Variants in PSMG2 observed in about 807,000 individuals in gnomAD.
The protein encoded by PSMG2 is proteasome assembly chaperone 2.
In PSMG2, 21 loss-of-function variants were observed where a neutral mutation model predicts 31.5. The ratio of observed to expected loss-of-function variants is 0.67; its 90% CI spans 0.47 to 0.96. PSMG2 has a LOEUF of 0.96. Among genes scored for constraint, PSMG2 ranks in the 40% least tolerant of loss-of-function variants. PSMG2 has a pLI of 0.00. For synonymous variants in PSMG2, 120 were observed against 110.4 expected, an observed-to-expected ratio of 1.09 and a Z score of -0.54; for missense variants, 318 against 321.2, an observed-to-expected ratio of 0.99 and a Z score of 0.08.
Position 12,706,647 on chromosome 18 carries a change from T to A in PSMG2, c.155T>A (p.Leu52His). The A allele has an allele frequency of 6.2e-7, 1 of 1,614,034 alleles. No individual in the cohort carries two copies. The highest frequency in any genetic ancestry group is 8.5e-7 in the Non-Finnish European group (1 of 1,179,906). The change falls in exon 2 of 7, where the codon CTT becomes CAT. Residue 52 changes from leucine (L) to histidine (H), a missense_variant. Transcript: ENST00000317615. ...SKIGYFYTDC[L>H]VPMVGNNPYA... ...ATTGGTTACTTCTATACCGATTGTC[T>A]TGTGCCAATGGTTGGAAACAATCCA...
At chr18:12,666,880 C>G (rs2038815097) in intron 1 of PSMG2, among the ~76,000 whole-genome samples, 1 of 152,058 alleles carries the variant, frequency 6.6e-6, no homozygotes, top group East Asian at 1.9e-4. Flanking sequence ...CATCTTTAAT[C>G]CAAACATCAG....
At chr18:12,695,851 TCC>T (rs1491299166) in intron 1 of PSMG2, among the ~76,000 whole-genome samples, 4 of 110,680 alleles carry the variant, frequency 3.6e-5, no homozygotes, top group Middle Eastern at 0.011. Flanking sequence ...TCATTCCTTC[TCC>T]ACACACACAC....
At position 12,723,103 on chromosome 18, in the gene PSMG2, G is replaced by C. The variant is rs530103111; in HGVS notation, c.582-1396G>C. Among the ~76,000 whole-genome samples the C allele has an allele frequency of 3.3e-5, 5 of 152,316 alleles. No homozygotes were observed. In the South Asian group the frequency reaches 1.0e-3, roughly 32 times the overall value. On this transcript the variant is annotated intron_variant, in intron 5 of 6. Transcript: ENST00000317615. ...AGAGACAGAAACTAAAGTTAGCCTG[G>C]TATCATCTGAGACTTCCGAATGTAT...
intron 5 of PSMG2, among the ~76,000 whole-genome samples, chr18:12,723,476 G>T (rs1024630304): frequency 6.6e-6 from 1 of 151,620 alleles, no homozygotes; most frequent in African/African-American, 2.4e-5. Flanking sequence ...CTTCATTTGC[G>T]ACAGAGTCTT....
At chr18:12,724,729 G>C (rs769967101) in intron 6 of PSMG2, 110 bp downstream of exon 6, 79 of 1,126,132 alleles carry the variant, frequency 7.0e-5, no homozygotes, top group Non-Finnish European at 8.6e-5. Flanking sequence ...ATTAAATATA[G>C]ACATATCTTT....
At chr18:12,700,510 G>C (rs1447499321), upstream of PSMG2, 1 of 154,030 alleles carries the variant, frequency 6.5e-6, no homozygotes, top group Non-Finnish European at 1.4e-5. Context: ...TGTATTAAAA[G>C]ATTTGAGGAC....
chr18:12,700,908 A>G, upstream of PSMG2: 1 of 1,439,006 alleles, frequency 6.9e-7, no homozygotes, highest in East Asian at 2.3e-5. Context: ...AGTGTTACGC[A>G]TTAGTATATA....
intron 1 of PSMG2, chr18:12,686,214 A>G: frequency 1.4e-6 from 2 of 1,432,280 alleles, no homozygotes; most frequent in Non-Finnish European, 1.9e-6. Flanking sequence ...ACAAATTCAG[A>G]GTAACTATGA....
chr18:12,717,672 T>C (rs1161976321), intron 3 of PSMG2, among the ~76,000 whole-genome samples: 1 of 152,260 alleles, frequency 6.6e-6, no homozygotes, highest in Non-Finnish European at 1.5e-5. Context: ...TCTGGATCCA[T>C]TGATGGTTCA....
chr18:12,706,525 C>T, intron 1 of PSMG2, 25 bp from the exon 2 acceptor site: 1 of 1,610,600 alleles, frequency 6.2e-7, no homozygotes, highest in Non-Finnish European at 8.5e-7. Flanking sequence ...TGGTGACTTA[C>T]TGAACATATC....
intron 1 of PSMG2, among the ~76,000 whole-genome samples, chr18:12,690,403 T>C (rs1310628944): frequency 1.3e-5 from 2 of 152,018 alleles, no homozygotes; most frequent in Non-Finnish European, 2.9e-5. Flanking sequence ...ATATACAAAA[T>C]ATTTGAACTG....
At chr18:12,718,418 T>G in intron 3 of PSMG2, 99 bp from the exon 4 acceptor site, 1 of 573,992 alleles carries the variant, frequency 1.7e-6, no homozygotes, top group Non-Finnish European at 2.9e-6. Flanking sequence ...AAATTATATA[T>G]CATTATCACA....
chr18:12,696,437 G>T (rs1296144565), intron 1 of PSMG2, among the ~76,000 whole-genome samples: 2 of 151,908 alleles, frequency 1.3e-5, no homozygotes, highest in African/African-American at 2.4e-5. Context: ...CAGGAGGCGG[G>T]GGTTGCAGTG....
rs1046759668 is a variant in PSMG2, at chr18:12,695,469, A to G, written c.-36-11081A>G. On this transcript the variant is annotated intron_variant, in intron 1 of 6. Transcript: ENST00000585331. Reference sequence around the variant, plus strand: ...GTTTTATCACTTACATGGAATAAAGATAACATTCAACATTACCTTTAATAT... The same window carrying G: ...GTTTTATCACTTACATGGAATAAAGGTAACATTCAACATTACCTTTAATAT... 1.4e-5 allele frequency: 7 copies of G among 484,180 alleles called. No homozygotes were observed. In the Admixed American group the frequency reaches 1.6e-4, roughly 11 times the overall value. 30.0% of individuals were successfully genotyped at this position (484,180 alleles called of 1,614,324 possible).
chr18:12,669,332 G>A (rs1422395832), intron 1 of PSMG2, among the ~76,000 whole-genome samples: 3 of 151,722 alleles, frequency 2.0e-5, no homozygotes, highest in Non-Finnish European at 2.9e-5. Context: ...GGCTGGTCTC[G>A]AACTCCTGAC....
At chr18:12,706,195 G>C (rs183550584) in intron 1 of PSMG2, among the ~76,000 whole-genome samples, 4 of 152,316 alleles carry the variant, frequency 2.6e-5, no homozygotes, top group Non-Finnish European at 5.9e-5. Context: ...TGGGCCAGGC[G>C]TGTTGGCTCA....
At chr18:12,702,965 C>A, upstream of PSMG2, 1 of 888,690 alleles carries the variant, frequency 1.1e-6, no homozygotes, top group Non-Finnish European at 1.6e-6. Flanking sequence ...GTTAGCTGGA[C>A]GGGCCTCAAG....
At chr18:12,686,146 G>T in intron 1 of PSMG2, 1 of 682,842 alleles carries the variant, frequency 1.5e-6, no homozygotes. Flanking sequence ...CAGAACCTGT[G>T]GGTACAGAGG....
rs182913090 is a variant in PSMG2 at position 12,675,159 on chromosome 18, G to C, written c.-37+16386G>C. 3.8e-3 allele frequency among the ~76,000 whole-genome samples: 579 copies of C among 152,306 alleles called. 1 individual carries two copies. The highest frequency in any genetic ancestry group is 0.013 in the African/African-American group (545 of 41,570). On this transcript the variant is annotated intron_variant, in intron 1 of 6. Transcript: ENST00000585331. The stretch of plus-strand genomic sequence containing the variant: ...CGCCTGTAATCCCAGCAGTTTGGGA[G>C]GCTGAGGTGGGCGGATCATGAGGTC...
Sources: gnomAD v4.1 joint callset for allele counts (sites outside exome capture counted in the v4.1 genomes callset) on GRCh38, gnomAD v4.1.1 for gene constraint, MANE v1.5 for transcripts, NCBI Gene and HGNC (gene_info 2026-07-23, HGNC 2026-07-21) for gene names.